Variants in ATP9B observed in about 807,000 individuals in gnomAD.
ATP9B encodes ATPase phospholipid transporting 9B, also known as probable phospholipid-transporting ATPase IIB.
A neutral mutation model predicts 146.1 loss-of-function variants in ATP9B; 110 were observed. That is an observed-to-expected ratio of 0.75 (90% CI 0.65 to 0.88). The LOEUF (loss-of-function observed/expected upper bound fraction) is 0.88, where lower values mean the gene tolerates loss of function less well. ATP9B is among the 40% of genes least tolerant of loss of function. ATP9B has a pLI of 0.00. For missense variants in ATP9B, 1,499 were observed against 1,496.4 expected, an observed-to-expected ratio of 1.00 and a Z score of -0.03; for synonymous variants, 604 against 569.7, an observed-to-expected ratio of 1.06 and a Z score of -0.86.
At chr18:79,127,612 G>C (rs1187952903) in intron 5 of ATP9B, among the ~76,000 whole-genome samples, 1 of 152,090 alleles carries the variant, frequency 6.6e-6, no homozygotes, top group East Asian at 1.9e-4. Context: ...TTCATTAGTG[G>C]GTGGACATTT....
intron 11 of ATP9B, among the ~76,000 whole-genome samples, chr18:79,252,028 G>T (rs1381288189): frequency 6.6e-6 from 1 of 152,186 alleles, no homozygotes; most frequent in African/African-American, 2.4e-5. Flanking sequence ...TCTCACCCTG[G>T]CACCTCTGCC....
At chr18:79,319,574 C>T (rs1224573708) in intron 15 of ATP9B, among the ~76,000 whole-genome samples, 1 of 152,188 alleles carries the variant, frequency 6.6e-6, no homozygotes, top group Admixed American at 6.5e-5. Flanking sequence ...TGTTTCCTTC[C>T]CTACGTCTCC....
At chr18:79,237,028 C>T (rs1182124149) in intron 11 of ATP9B, among the ~76,000 whole-genome samples, 5 of 38,262 alleles carry the variant, frequency 1.3e-4, no homozygotes, top group South Asian at 1.2e-3. Flanking sequence ...GGTCCGTGCA[C>T]GAGTCAGTGT....
intron 15 of ATP9B, 135 bp downstream of exon 15, chr18:79,307,369 T>C: frequency 7.5e-7 from 1 of 1,329,842 alleles, no homozygotes; most frequent in South Asian, 1.5e-5. Context: ...TAGCTGTATG[T>C]GGAAAACTGC....
intron 2 of ATP9B, among the ~76,000 whole-genome samples, chr18:79,103,900 A>G (rs1218963645): frequency 1.3e-5 from 2 of 152,058 alleles, no homozygotes; most frequent in African/African-American, 4.8e-5. Flanking sequence ...GTTGACTGCT[A>G]CCAATTTGCT....
chr18:79,143,950 T>C, intron 6 of ATP9B, 90 bp downstream of exon 6: 2 of 732,394 alleles, frequency 2.7e-6, no homozygotes, highest in Non-Finnish European at 4.3e-6. Context: ...TTGAAAGAAA[T>C]TGAGACATGT....
intron 1 of ATP9B, among the ~76,000 whole-genome samples, chr18:79,076,169 T>G (rs1451540839): frequency 6.6e-6 from 1 of 152,198 alleles, no homozygotes; most frequent in Non-Finnish European, 1.5e-5. Context: ...TATCAGACAG[T>G]GTTAACAATT....
chr18:79,204,315 A>C (rs1345887523), intron 9 of ATP9B, among the ~76,000 whole-genome samples: 1 of 152,216 alleles, frequency 6.6e-6, no homozygotes, highest in Non-Finnish European at 1.5e-5. Flanking sequence ...GTGTATTTTG[A>C]CATTGGTAAA....
intron 8 of ATP9B, among the ~76,000 whole-genome samples, chr18:79,180,664 A>C (rs1046657175): frequency 6.6e-6 from 1 of 152,086 alleles, no homozygotes; most frequent in Non-Finnish European, 1.5e-5. Context: ...CTGTGTGTTG[A>C]TCCAGGTTTC....
intron 1 of ATP9B, among the ~76,000 whole-genome samples, chr18:79,073,306 G>A (rs933330553): frequency 5.3e-5 from 8 of 152,146 alleles, no homozygotes; most frequent in African/African-American, 9.7e-5. Context: ...GTAGCGAGCC[G>A]AGATCACCCC....
chr18:79,342,436 G>C, intron 20 of ATP9B, 70 bp downstream of exon 20: 1 of 1,056,532 alleles, frequency 9.5e-7, no homozygotes, highest in Non-Finnish European at 1.4e-6. Flanking sequence ...TATTGTTTTT[G>C]TCAGAATATA....
At chr18:79,335,563 C>T (rs575620004) in intron 17 of ATP9B, among the ~76,000 whole-genome samples, 1 of 152,340 alleles carries the variant, frequency 6.6e-6, no homozygotes, top group African/African-American at 2.4e-5. Context: ...CACATCAGGC[C>T]CCGTGACTCC....
At chr18:79,176,757 G>T in intron 7 of ATP9B, 56 bp from the exon 8 acceptor site, 1 of 1,481,066 alleles carries the variant, frequency 6.8e-7, no homozygotes, top group Non-Finnish European at 9.4e-7. Flanking sequence ...CTGTAGCTCA[G>T]GAAAAACCTT....
At position 79,218,639 on chromosome 18, in the gene ATP9B, T is replaced by C. The variant is rs140396287; in HGVS notation, c.1107+4601T>C. Among the ~76,000 whole-genome samples the C allele has an allele frequency of 7.3e-3, 1,100 of 151,622 alleles. 14 individuals carry two copies. Among genetic ancestry groups the C allele is most frequent in the African/African-American group, 0.017 (719 of 41,280 alleles). On this transcript the variant is annotated intron_variant, in intron 11 of 29. Coordinates refer to ENST00000426216, the MANE Select transcript of ATP9B (RefSeq NM_198531.5). Reference sequence around the variant, plus strand: ...AGCTCCTGCTTCTTGTCATATTTTCTTCGTATTCTGGGTCCAGCGCAGGCT... The same window carrying C: ...AGCTCCTGCTTCTTGTCATATTTTCCTCGTATTCTGGGTCCAGCGCAGGCT...
At chr18:79,081,528 G>T (rs1469296927) in intron 1 of ATP9B, among the ~76,000 whole-genome samples, 1 of 151,124 alleles carries the variant, frequency 6.6e-6, no homozygotes, top group African/African-American at 2.4e-5. Flanking sequence ...CTGGCTAGTG[G>T]TCTATCTATT....
intron 8 of ATP9B, among the ~76,000 whole-genome samples, chr18:79,186,483 G>A (rs1276347838): frequency 7.2e-5 from 11 of 151,934 alleles, no homozygotes; most frequent in Non-Finnish European, 1.5e-4. Flanking sequence ...AAATGAGCTT[G>A]CCAGCCTGTT....
intron 11 of ATP9B, among the ~76,000 whole-genome samples, chr18:79,223,483 A>G (rs1204734899): frequency 6.6e-6 from 1 of 152,210 alleles, no homozygotes; most frequent in Admixed American, 6.5e-5. Flanking sequence ...ATATTGTAGA[A>G]CATATTAGTA....
chr18:79,313,054 A>G (rs1456518890), intron 15 of ATP9B, among the ~76,000 whole-genome samples: 2 of 152,198 alleles, frequency 1.3e-5, no homozygotes, highest in African/African-American at 4.8e-5. Context: ...CCTTTCTGTC[A>G]GTGGGCACGA....
At chr18:79,317,539 C>T (rs544052075) in intron 15 of ATP9B, among the ~76,000 whole-genome samples, 11 of 152,076 alleles carry the variant, frequency 7.2e-5, no homozygotes, top group African/African-American at 2.4e-4. Context: ...CTGTAAAATA[C>T]CATAAAAGTA....
Sources: allele counts gnomAD v4.1 joint callset (sites outside exome capture counted in the v4.1 genomes callset), GRCh38; gene constraint gnomAD v4.1.1; transcripts MANE v1.5; gene names NCBI Gene and HGNC (gene_info 2026-07-23, HGNC 2026-07-21).